OPCML: variants seen among roughly 807,000 people sequenced by gnomAD.
OPCML encodes the protein opioid binding protein/cell adhesion molecule like.
A neutral mutation model predicts 37.8 loss-of-function variants in OPCML; 13 were observed. That is an observed-to-expected ratio of 0.34 (90% CI 0.22 to 0.55). The LOEUF is 0.55. Among genes scored for constraint, OPCML ranks in the 20% least tolerant of loss-of-function variants. OPCML has a pLI of 0.91. For missense variants in OPCML, 341 were observed against 435.6 expected, an observed-to-expected ratio of 0.78 and a Z score of 1.93; for synonymous variants, 176 against 168.8, an observed-to-expected ratio of 1.04 and a Z score of -0.33.
chr11:132,672,512 A>G (rs1394139457), intron 2 of OPCML, among the ~76,000 whole-genome samples: 3 of 152,034 alleles, frequency 2.0e-5, no homozygotes, highest in Non-Finnish European at 4.4e-5. Context: ...AAACACTTCC[A>G]TCTCCCTCCT....
intron 2 of OPCML, among the ~76,000 whole-genome samples, chr11:132,883,279 A>T (rs1591751539): frequency 6.6e-6 from 1 of 152,198 alleles, no homozygotes; most frequent in Non-Finnish European, 1.5e-5. Context: ...CTTTAAAAAA[A>T]AAAAAGGGGG....
chr11:133,311,857 T>C (rs1402462223), intron 1 of OPCML, among the ~76,000 whole-genome samples: 1 of 152,158 alleles, frequency 6.6e-6, no homozygotes, highest in Non-Finnish European at 1.5e-5. Flanking sequence ...GTGTTACAGC[T>C]GGGCATTTCT....
At chr11:133,418,223 C>T (rs1042757165) in intron 1 of OPCML, 1 of 985,268 alleles carries the variant, frequency 1.0e-6, no homozygotes, top group Non-Finnish European at 1.2e-6. Context: ...GTGTGGTGAT[C>T]TGTATCTAGT....
intron 1 of OPCML, among the ~76,000 whole-genome samples, chr11:133,272,034 C>G (rs1056257454): frequency 6.6e-6 from 1 of 152,150 alleles, no homozygotes; most frequent in African/African-American, 2.4e-5. Flanking sequence ...AGGTATGCCT[C>G]TTGGTGCAAG....
intron 3 of OPCML, among the ~76,000 whole-genome samples, chr11:132,561,699 C>A (rs927782653): frequency 6.6e-6 from 1 of 152,238 alleles, no homozygotes; most frequent in Non-Finnish European, 1.5e-5. Context: ...TTAATCATTT[C>A]TGTGAATTTA....
intron 4 of OPCML, among the ~76,000 whole-genome samples, chr11:132,455,172 T>C (rs553887119): frequency 6.6e-6 from 1 of 152,338 alleles, no homozygotes; most frequent in East Asian, 1.9e-4. Context: ...CATTTCTGTT[T>C]AATTGTACAC....
chr11:132,857,042 G>A (rs1942083802), intron 2 of OPCML, among the ~76,000 whole-genome samples: 1 of 152,156 alleles, frequency 6.6e-6, no homozygotes, highest in Non-Finnish European at 1.5e-5. Context: ...GAATTGAATT[G>A]CTGCAGACCC....
At chr11:132,973,528 A>G (rs1292862312) in intron 1 of OPCML, among the ~76,000 whole-genome samples, 3 of 152,178 alleles carry the variant, frequency 2.0e-5, no homozygotes, top group Admixed American at 6.5e-5. Flanking sequence ...TTCTTTGCTC[A>G]ATAATCTTTT....
At chr11:132,796,565 C>CT (rs71067396) in intron 2 of OPCML, among the ~76,000 whole-genome samples, 1,300 of 88,576 alleles carry the variant, frequency 0.015, 115 homozygotes, top group African/African-American at 0.039. Flanking sequence ...TTTCTTCTTT[C>CT]TTTTTTTTTT....
intron 1 of OPCML, among the ~76,000 whole-genome samples, chr11:133,494,925 C>T (rs2120479867): frequency 1.3e-5 from 2 of 151,896 alleles, no homozygotes; most frequent in Middle Eastern, 6.8e-3. Flanking sequence ...TTTTATTTTT[C>T]CATAAGTTAT....
At chr11:132,424,225 T>C (rs2095970166) in intron 7 of OPCML, among the ~76,000 whole-genome samples, 1 of 152,024 alleles carries the variant, frequency 6.6e-6, no homozygotes, top group Non-Finnish European at 1.5e-5. Flanking sequence ...GTTCACGCCG[T>C]TCTCCTGCCT....
intron 4 of OPCML, among the ~76,000 whole-genome samples, chr11:132,447,267 G>A (rs2096057828): frequency 6.6e-6 from 1 of 152,086 alleles, no homozygotes; most frequent in Non-Finnish European, 1.5e-5. Flanking sequence ...GTTTTCCTGG[G>A]ATAGTGCCAG....
In OPCML at chr11:132,668,390, T is replaced by C. The variant is rs536920464; in HGVS notation, c.147-11071A>G. Among the ~76,000 whole-genome samples the C allele has an allele frequency of 1.3e-4, 20 of 152,354 alleles. No individual in the cohort carries two copies. The South Asian group carries it at 4.1e-3, about 32-fold the overall frequency. ...GACAGATGTGGGCTCTGCCACTTAC[T>C]AACACAGAGCACTAAGATAAGCATT... On this transcript the variant is annotated intron_variant, in intron 2 of 7. Coordinates refer to ENST00000524381, the MANE Select transcript of OPCML (RefSeq NM_001012393.5).
chr11:133,042,296 T>C lies in OPCML; in HGVS notation c.62-99286A>G, dbSNP rs181392894. Among the ~76,000 whole-genome samples, 25 of 152,334 alleles carry C rather than the reference T, an allele frequency of 1.6e-4. No individual in the cohort carries two copies. In the East Asian group the frequency reaches 4.3e-3, roughly 26 times the overall value. ...GGTCCTGGGAGCCTAATGGATAGTATGGCCTCGTGTGTACGGAGTGAAGAA... is the reference window on the plus strand; with the variant it reads ...GGTCCTGGGAGCCTAATGGATAGTACGGCCTCGTGTGTACGGAGTGAAGAA... On this transcript the variant is annotated intron_variant, in intron 1 of 7. Transcript: ENST00000524381.
intron 1 of OPCML, among the ~76,000 whole-genome samples, chr11:132,950,774 G>A (rs1945840404): frequency 6.6e-6 from 1 of 152,164 alleles, no homozygotes; most frequent in African/African-American, 2.4e-5. Context: ...AACCCCGTGA[G>A]ATGTAACCTA....
intron 2 of OPCML, among the ~76,000 whole-genome samples, chr11:132,777,894 T>C (rs1218612505): frequency 2.6e-5 from 4 of 152,164 alleles, no homozygotes; most frequent in Non-Finnish European, 5.9e-5. Flanking sequence ...ATAAACCTTT[T>C]CTCTCTCTTT....
At chr11:133,168,748 C>T (rs975974885) in intron 1 of OPCML, among the ~76,000 whole-genome samples, 6 of 152,142 alleles carry the variant, frequency 3.9e-5, no homozygotes, top group Admixed American at 1.3e-4. Flanking sequence ...GCCCTAATTA[C>T]GGACACTGAT....
intron 2 of OPCML, among the ~76,000 whole-genome samples, chr11:132,887,665 C>A (rs1398693213): frequency 1.3e-5 from 2 of 152,160 alleles, no homozygotes; most frequent in African/African-American, 4.8e-5. Flanking sequence ...ATAGAACGAT[C>A]ACTTTTTGCT....
intron 2 of OPCML, among the ~76,000 whole-genome samples, chr11:132,788,663 C>T (rs1043556326): frequency 6.6e-6 from 1 of 152,198 alleles, no homozygotes; most frequent in African/African-American, 2.4e-5. Flanking sequence ...TAACTAAGGA[C>T]TACACAGCTA....
Sources: gnomAD v4.1 joint callset for allele counts (sites outside exome capture counted in the v4.1 genomes callset) on GRCh38, gnomAD v4.1.1 for gene constraint, MANE v1.5 for transcripts, NCBI Gene and HGNC (gene_info 2026-07-23, HGNC 2026-07-21) for gene names.